The following GRHL2 variants were observed in gnomAD, a reference collection of about 807,000 sequenced individuals.
GRHL2 encodes the protein grainyhead like transcription factor 2, also known as grainyhead-like protein 2 homolog.
A neutral mutation model predicts 83.8 loss-of-function variants in GRHL2; 21 were observed. That is an observed-to-expected ratio of 0.25 (90% confidence interval 0.18 to 0.36). The LOEUF is 0.36. Ranked by LOEUF, GRHL2 falls within the 10% of genes least tolerant of loss-of-function variation. The pLI is 1.00. For missense variants in GRHL2, 623 were observed against 781.8 expected (o/e 0.80, Z 2.42); for synonymous variants, 280 against 278.9 (o/e 1.00, Z -0.04).
At chr8:101,649,132 AC>A (rs1023305413) in intron 13 of GRHL2, among the ~76,000 whole-genome samples, 5 of 152,188 alleles carry the variant, frequency 3.3e-5, no homozygotes, top group African/African-American at 1.2e-4. Flanking sequence ...GATGCGATGT[AC>A]CCCTCAGGAG....
chr8:101,586,204 C>G (rs1812167281), intron 7 of GRHL2, among the ~76,000 whole-genome samples: 1 of 151,828 alleles, frequency 6.6e-6, no homozygotes, highest in Admixed American at 6.6e-5. Flanking sequence ...CTCAGCCTCC[C>G]GAGTAGCTGG....
intron 1 of GRHL2, among the ~76,000 whole-genome samples, chr8:101,530,295 G>C (rs1016860840): frequency 6.6e-6 from 1 of 152,150 alleles, no homozygotes; most frequent in South Asian, 2.1e-4. Context: ...AAACATTAGA[G>C]GTAAACCCAT....
At chr8:101,661,451 T>C (rs1053326365) in intron 14 of GRHL2, among the ~76,000 whole-genome samples, 2 of 152,176 alleles carry the variant, frequency 1.3e-5, no homozygotes, top group Admixed American at 1.3e-4. Context: ...AAGTCCCTCA[T>C]GTAAAATGGC....
chr8:101,678,402 T>C, the GRHL2 span, among the ~76,000 whole-genome samples: 17 of 152,092 alleles, frequency 1.1e-4, no homozygotes, highest in East Asian at 3.3e-3. Flanking sequence ...CACCACGAGA[T>C]TATATCCCGC....
chr8:101,656,195 A>C (rs889055496), intron 14 of GRHL2, among the ~76,000 whole-genome samples: 21 of 152,364 alleles, frequency 1.4e-4, no homozygotes, highest in African/African-American at 4.6e-4. Context: ...TCATGAGATC[A>C]GGGGCTGTGT....
At chr8:101,673,175 A>G (rs1352467886), downstream of GRHL2, among the ~76,000 whole-genome samples, 1 of 152,012 alleles carries the variant, frequency 6.6e-6, no homozygotes. Flanking sequence ...CTAACATCAT[A>G]AGGACAGGAT....
At chr8:101,561,155 A>T (rs1331728519) in intron 4 of GRHL2, among the ~76,000 whole-genome samples, 2 of 145,554 alleles carry the variant, frequency 1.4e-5, no homozygotes, top group East Asian at 2.0e-4. Flanking sequence ...TTTCGAAGTA[A>T]TTTTTTTTTT....
intron 7 of GRHL2, among the ~76,000 whole-genome samples, chr8:101,590,769 TA>T (rs1812264245): frequency 6.6e-6 from 1 of 152,172 alleles, no homozygotes; most frequent in Admixed American, 6.5e-5. Context: ...CAGCTTTTGT[TA>T]AAAGCATCTT....
At chr8:101,652,897 T>G (rs1813702331) in intron 14 of GRHL2, among the ~76,000 whole-genome samples, 1 of 152,182 alleles carries the variant, frequency 6.6e-6, no homozygotes, top group South Asian at 2.1e-4. Flanking sequence ...ATTGTTTGGG[T>G]AGAAATCCTC....
At chr8:101,619,120 G>T (rs1812912308) in intron 8 of GRHL2, among the ~76,000 whole-genome samples, 1 of 152,162 alleles carries the variant, frequency 6.6e-6, no homozygotes, top group African/African-American at 2.4e-5. Flanking sequence ...AGACGTGGTG[G>T]CAGGCTCCTG....
At chr8:101,500,453 A>G (rs1218754171) in intron 1 of GRHL2, among the ~76,000 whole-genome samples, 1 of 152,174 alleles carries the variant, frequency 6.6e-6, no homozygotes, top group African/African-American at 2.4e-5. Flanking sequence ...TTTATGTTGT[A>G]AGTTTCTTAT....
At chr8:101,652,524 G>GTGTGTGTGGTGTGTGTGTGTTGTT (rs1813681630) in intron 14 of GRHL2, among the ~76,000 whole-genome samples, 1 of 88,762 alleles carries the variant, frequency 1.1e-5, no homozygotes, top group Non-Finnish European at 2.0e-5. Flanking sequence ...TGTGTGTGGT[G>GTGTGTGTGGTGTGTGTGTGTTGTT]TGTGTGTGGT....
At chr8:101,646,865 G>T (rs550165244) in intron 13 of GRHL2, among the ~76,000 whole-genome samples, 1 of 152,332 alleles carries the variant, frequency 6.6e-6, no homozygotes, top group South Asian at 2.1e-4. Flanking sequence ...GGAAAGCTGT[G>T]GGGGTGGACT....
At chr8:101,681,063 A>G in the GRHL2 span, among the ~76,000 whole-genome samples, 6 of 139,724 alleles carry the variant, frequency 4.3e-5, no homozygotes, top group Admixed American at 1.5e-4. Flanking sequence ...AGAAGGCAAG[A>G]AATAACTAAA....
At chr8:101,567,878 T>C (rs1287112883) in intron 4 of GRHL2, among the ~76,000 whole-genome samples, 4 of 152,212 alleles carry the variant, frequency 2.6e-5, no homozygotes, top group Non-Finnish European at 4.4e-5. Context: ...TGGATGGTAA[T>C]TCATTCTTGC....
intron 1 of GRHL2, among the ~76,000 whole-genome samples, chr8:101,495,099 A>T (rs1810068427): frequency 6.6e-6 from 1 of 152,228 alleles, no homozygotes; most frequent in African/African-American, 2.4e-5. Flanking sequence ...AAGCTTATGC[A>T]ACTATGTGTG....
At chr8:101,552,260 C>T (rs979614432) in intron 2 of GRHL2, among the ~76,000 whole-genome samples, 4 of 152,194 alleles carry the variant, frequency 2.6e-5, no homozygotes, top group African/African-American at 9.6e-5. Context: ...CCTAAGCACT[C>T]CCAACCACGT....
chr8:101,603,160 GT>G (rs979849670), intron 8 of GRHL2, among the ~76,000 whole-genome samples: 6 of 151,916 alleles, frequency 3.9e-5, no homozygotes, highest in Non-Finnish European at 8.8e-5. Context: ...TAAGAATGAG[GT>G]TTTTTTTGCA....
intron 1 of GRHL2, among the ~76,000 whole-genome samples, chr8:101,518,085 C>T (rs922667221): frequency 6.6e-6 from 1 of 152,178 alleles, no homozygotes; most frequent in African/African-American, 2.4e-5. Context: ...TCTGAGACTT[C>T]GTCCACAGTA....
Sources: allele counts gnomAD v4.1 joint callset (sites outside exome capture counted in the v4.1 genomes callset), GRCh38; gene constraint gnomAD v4.1.1; transcripts MANE v1.5; gene names NCBI Gene and HGNC (gene_info 2026-07-23, HGNC 2026-07-21).